The following SBF2 variants were observed in gnomAD, a reference collection of about 807,000 sequenced individuals.
SBF2 encodes myotubularin-related protein 13.
SBF2 carries 112 observed loss-of-function variants against 225.2 expected under a neutral mutation model. The ratio of observed to expected loss-of-function variants is 0.50; its 90% CI spans 0.43 to 0.58. The LOEUF (loss-of-function observed/expected upper bound fraction) is 0.58, where lower values mean the gene tolerates loss of function less well. Ranked by LOEUF, SBF2 falls within the 20% of genes least tolerant of loss-of-function variation. The probability of loss-of-function intolerance (pLI) is 0.00; values close to 1 mark genes in which losing one functional copy is unlikely to be tolerated. For synonymous variants in SBF2, 763 were observed against 773.3 expected, an observed-to-expected ratio of 0.99 and a Z score of 0.22; for missense variants, 1,996 against 2,206.2, an observed-to-expected ratio of 0.90 and a Z score of 1.91.
intron 2 of SBF2, 26 bp downstream of exon 2, chr11:10,193,876 T>C (rs1957272004): frequency 2.8e-6 from 4 of 1,417,642 alleles, no homozygotes; most frequent in Non-Finnish European, 4.0e-6. Context: ...ACATTATAAA[T>C]ATGCAATAAT....
chr11:10,130,436 A>G (rs1037805553), intron 2 of SBF2, among the ~76,000 whole-genome samples: 63 of 151,630 alleles, frequency 4.2e-4, no homozygotes, highest in African/African-American at 1.5e-3. Flanking sequence ...TTTAGTTTTT[A>G]TTTTAAAATT....
intron 2 of SBF2, among the ~76,000 whole-genome samples, chr11:10,087,227 ATCT>A (rs1951603562): frequency 6.6e-6 from 1 of 152,092 alleles, no homozygotes; most frequent in Admixed American, 6.5e-5. Flanking sequence ...ATTTTTGAAA[ATCT>A]TCTCCTCCAG....
At chr11:9,875,479 G>A (rs569285104) in intron 17 of SBF2, among the ~76,000 whole-genome samples, 18 of 152,280 alleles carry the variant, frequency 1.2e-4, no homozygotes, top group African/African-American at 3.8e-4. Context: ...CAAAACAAAT[G>A]TTACTGCAGG....
At chr11:9,802,238 G>A (rs958431034) in intron 32 of SBF2, among the ~76,000 whole-genome samples, 1 of 152,058 alleles carries the variant, frequency 6.6e-6, no homozygotes, top group South Asian at 2.1e-4. Context: ...TTTAAGAAAA[G>A]GGAGTCCTGT....
At chr11:10,169,440 T>C (rs1251225299) in intron 2 of SBF2, among the ~76,000 whole-genome samples, 1 of 152,184 alleles carries the variant, frequency 6.6e-6, no homozygotes, top group Non-Finnish European at 1.5e-5. Context: ...TGTGCAAAGT[T>C]TGTCTTTCTG....
intron 2 of SBF2, among the ~76,000 whole-genome samples, chr11:10,169,639 T>A (rs1018994367): frequency 2.0e-5 from 3 of 152,208 alleles, no homozygotes; most frequent in African/African-American, 7.2e-5. Flanking sequence ...GCAGTAAACA[T>A]GGGAGTGCAG....
intron 2 of SBF2, among the ~76,000 whole-genome samples, chr11:10,130,356 C>T (rs1953979807): frequency 6.7e-6 from 1 of 149,936 alleles, no homozygotes; most frequent in South Asian, 2.1e-4. Context: ...AGCAAGACAC[C>T]ATCTCAGAAA....
intron 16 of SBF2, 83 bp from the exon 17 acceptor site, chr11:9,896,094 T>C: frequency 9.3e-7 from 1 of 1,071,312 alleles, no homozygotes; most frequent in Non-Finnish European, 1.4e-6. Context: ...TGGGATACAC[T>C]GTTTACTGTC....
chr11:9,938,389 A>AT (rs1231250689), intron 16 of SBF2, among the ~76,000 whole-genome samples: 9 of 151,110 alleles, frequency 6.0e-5, no homozygotes, highest in South Asian at 2.1e-4. Context: ...ATTCCAGTGG[A>AT]TTTTTTTTTC....
chr11:10,000,959 G>A lies in SBF2; in HGVS notation c.816C>T (p.Phe272=). 3 of 1,606,780 alleles carry A rather than the reference G, an allele frequency of 1.9e-6. No homozygotes were observed. In the South Asian group the frequency reaches 3.3e-5, roughly 18 times the overall value. Residue 272 remains phenylalanine, a synonymous_variant, in exon 8 of 40, where the codon TTC becomes TTT. Coordinates refer to ENST00000256190, the MANE Select transcript of SBF2 (RefSeq NM_030962.4). ...TAAAGACAGAATGTACTCCAATAAT[G>A]AAAGGCGTTGGGGAACTTAGAACTT... is the stretch of plus-strand genomic sequence containing the variant. ...LLEVLSSPTP[F]IIGVHSVFKT...
chr11:9,974,983 A>AAAAAAAAAAAAAAAAAAAG (rs1946619382), intron 13 of SBF2, among the ~76,000 whole-genome samples: 1 of 74,894 alleles, frequency 1.3e-5, no homozygotes, highest in South Asian at 5.0e-4. Flanking sequence ...AAAAAAAAAA[A>AAAAAAAAAAAAAAAAAAAG]AAAAAGAAAA....
At chr11:10,045,604 G>A (rs1264106115) in intron 2 of SBF2, among the ~76,000 whole-genome samples, 4 of 152,180 alleles carry the variant, frequency 2.6e-5, no homozygotes, top group African/African-American at 9.7e-5. Context: ...ACGTTCAATT[G>A]AGTTCAAATT....
intron 13 of SBF2, among the ~76,000 whole-genome samples, chr11:9,973,733 T>C (rs2134404983): frequency 6.6e-6 from 1 of 152,008 alleles, no homozygotes; most frequent in South Asian, 2.1e-4. Context: ...GGTTACAGAA[T>C]ACAAGGCTTG....
rs1457852250 is a variant in SBF2 at position 10,303,013 on chromosome 11, A to C, written n.386+1479T>G. ...CTGGCGACAAGTAGGTCGCATCCTC[A>C]GAGCGACTGATAGCCAGTCCTGGAT... is the stretch of plus-strand genomic sequence containing the variant. On this transcript the variant is annotated intron_variant and non_coding_transcript_variant, in intron 1 of 5. Transcript: ENST00000685217. The surrounding 1 kb of genome is among the most constrained non-coding windows in gnomAD (Gnocchi z 5.2). 2 of 152,326 alleles carry C rather than the reference A, an allele frequency of 1.3e-5. No homozygotes were observed. Among genetic ancestry groups the C allele is most frequent in the Non-Finnish European group, 2.9e-5 (2 of 68,088 alleles). The allele number at this position is 152,326 out of a possible 1,614,324, so 9.4% of individuals were successfully genotyped here. A position where few individuals can be genotyped will look rare whatever the true frequency, so the allele number is the denominator to read the frequency against.
At chr11:9,987,128 G>T (rs1947230322) in intron 13 of SBF2, among the ~76,000 whole-genome samples, 1 of 152,032 alleles carries the variant, frequency 6.6e-6, no homozygotes. Context: ...TAACATACAA[G>T]CCAATAAATG....
chr11:10,111,894 T>A (rs1392852729), intron 2 of SBF2, among the ~76,000 whole-genome samples: 1 of 152,032 alleles, frequency 6.6e-6, no homozygotes, highest in Non-Finnish European at 1.5e-5. Flanking sequence ...CCAAAAAAAA[T>A]TAACTTAGAG....
chr11:10,124,809 T>G (rs1186823563), intron 2 of SBF2, among the ~76,000 whole-genome samples: 1 of 152,066 alleles, frequency 6.6e-6, no homozygotes, highest in Non-Finnish European at 1.5e-5. Flanking sequence ...TTCCACAGAT[T>G]AAAAAAATTT....
At chr11:10,201,625 T>C (rs911994037) in intron 1 of SBF2, among the ~76,000 whole-genome samples, 1 of 152,258 alleles carries the variant, frequency 6.6e-6, no homozygotes, top group African/African-American at 2.4e-5. Flanking sequence ...TCTCCTATTA[T>C]TCAAAAGGTT....
intron 1 of SBF2, among the ~76,000 whole-genome samples, chr11:10,196,866 A>ATTTTTTTTTTTTTTT (rs1555073581): frequency 3.0e-5 from 3 of 99,278 alleles, no homozygotes; most frequent in Non-Finnish European, 5.9e-5. Context: ...ATATATATAT[A>ATTTTTTTTTTTTTTT]TTTTTTTTTT....
Sources: allele counts gnomAD v4.1 joint callset (sites outside exome capture counted in the v4.1 genomes callset), GRCh38; gene constraint gnomAD v4.1.1; non-coding constraint Gnocchi (gnomAD v3.1); transcripts MANE v1.5; gene names NCBI Gene and HGNC (gene_info 2026-07-23, HGNC 2026-07-21).